SH3BGRL: variants seen among roughly 807,000 people sequenced by gnomAD.
SH3BGRL encodes adapter SH3BGRL.
A neutral mutation model predicts 9.8 loss-of-function variants in SH3BGRL; 7 were observed. The ratio of observed to expected loss-of-function variants is 0.72; its 90% CI spans 0.41 to 1.35. The LOEUF (loss-of-function observed/expected upper bound fraction) is 1.35, where lower values mean the gene tolerates loss of function less well. Among genes scored for constraint, SH3BGRL ranks in the 40% most tolerant of loss-of-function variants. The probability of loss-of-function intolerance (pLI) is 0.01; values close to 1 mark genes in which losing one functional copy is unlikely to be tolerated. For synonymous variants in SH3BGRL, 36 were observed against 29.1 expected, an observed-to-expected ratio of 1.24 and a Z score of -0.76; for missense variants, 73 against 84.4, an observed-to-expected ratio of 0.86 and a Z score of 0.53.
intron 1 of SH3BGRL, among the ~76,000 whole-genome samples, chrX:81,272,502 C>CTTTTT: frequency 1.0e-5 from 1 of 95,671 alleles, no homozygotes; most frequent in Non-Finnish European, 2.1e-5. Context: ...TTTTTCTTTT[C>CTTTTT]TTTTTTTTTT....
intron 3 of SH3BGRL, among the ~76,000 whole-genome samples, chrX:81,291,363 T>G (rs1235767975): frequency 9.0e-6 from 1 of 111,403 alleles, no homozygotes; most frequent in Non-Finnish European, 1.9e-5. Flanking sequence ...CTACACTTGT[T>G]GGCAGGAGGC....
At chrX:81,277,974 T>C (rs918392358) in intron 2 of SH3BGRL, among the ~76,000 whole-genome samples, 1 of 112,020 alleles carries the variant, frequency 8.9e-6, no homozygotes, top group Non-Finnish European at 1.9e-5. Context: ...ATCTCCTTTT[T>C]TTCTTGAGAT....
intron 1 of SH3BGRL, among the ~76,000 whole-genome samples, chrX:81,251,385 G>T (rs2075710106): frequency 9.2e-6 from 1 of 109,122 alleles, no homozygotes; most frequent in Admixed American, 9.8e-5. Flanking sequence ...CAATTTTTAG[G>T]ATGAAAAATT....
chrX:81,243,471 T>C lies in SH3BGRL; in HGVS notation c.46-33513T>C, dbSNP rs150545027. On this transcript the variant is annotated intron_variant, in intron 1 of 3. Transcript: ENST00000373212. ...GAAAGAATGAATAAGACCTACTATT[T>C]GATAGCACAACAGGGTGACTGTTGT... is the stretch of plus-strand genomic sequence containing the variant. 5.2e-3 allele frequency among the ~76,000 whole-genome samples: 586 copies of C among 111,850 alleles called. 3 individuals are homozygous for C. Among genetic ancestry groups the C allele is most frequent in the African/African-American group, 0.018 (548 of 30,775 alleles).
chrX:81,206,177 C>T (rs958408390), intron 1 of SH3BGRL, among the ~76,000 whole-genome samples: 1 of 110,896 alleles, frequency 9.0e-6, no homozygotes, highest in Non-Finnish European at 1.9e-5. Flanking sequence ...TCTCCTTACT[C>T]TATTGATTGT....
intron 1 of SH3BGRL, among the ~76,000 whole-genome samples, chrX:81,208,644 C>T (rs2075554651): frequency 8.9e-6 from 1 of 112,081 alleles, no homozygotes; most frequent in Non-Finnish European, 1.9e-5. Flanking sequence ...ACTAGGAGGC[C>T]TTTTAAACCC....
chrX:81,254,746 G>A (rs2075720323), intron 1 of SH3BGRL, among the ~76,000 whole-genome samples: 1 of 111,817 alleles, frequency 8.9e-6, no homozygotes, highest in Non-Finnish European at 1.9e-5. Flanking sequence ...CAGTATTTTT[G>A]TGTGTGAAAG....
chrX:81,263,672 C>A (rs911232669), intron 1 of SH3BGRL, among the ~76,000 whole-genome samples: 5 of 111,372 alleles, frequency 4.5e-5, no homozygotes, highest in African/African-American at 1.3e-4. Context: ...GTTACTGACT[C>A]AAAGCTTGTT....
At chrX:81,210,212 A>T (rs1037816151) in intron 1 of SH3BGRL, among the ~76,000 whole-genome samples, 2 of 111,008 alleles carry the variant, frequency 1.8e-5, no homozygotes, top group African/African-American at 6.6e-5. Context: ...CTTAGGTAAC[A>T]TTTACTACAT....
intron 1 of SH3BGRL, among the ~76,000 whole-genome samples, chrX:81,231,978 A>T (rs1196478415): frequency 1.8e-5 from 2 of 111,204 alleles, no homozygotes; most frequent in Non-Finnish European, 3.8e-5. Flanking sequence ...ATACACACAC[A>T]CGTATATGTA....
chrX:81,277,235 C>A (rs1438042899), intron 2 of SH3BGRL, 66 bp downstream of exon 2: 2 of 934,132 alleles, frequency 2.1e-6, no homozygotes, highest in Non-Finnish European at 3.0e-6. Flanking sequence ...ATTATTTTCA[C>A]CTCTGCCTCC....
intron 1 of SH3BGRL, among the ~76,000 whole-genome samples, chrX:81,268,494 A>G (rs1159075582): frequency 9.0e-6 from 1 of 111,424 alleles, no homozygotes; most frequent in Non-Finnish European, 1.9e-5. Context: ...GTCATTCAGG[A>G]GTAGGTTGTT....
chrX:81,263,416 T>C (rs1463399837), intron 1 of SH3BGRL, among the ~76,000 whole-genome samples: 1 of 111,929 alleles, frequency 8.9e-6, no homozygotes, highest in Non-Finnish European at 1.9e-5. Flanking sequence ...AATTTATGTC[T>C]GTCATATATT....
intron 1 of SH3BGRL, among the ~76,000 whole-genome samples, chrX:81,274,785 T>G (rs960682245): frequency 3.6e-5 from 4 of 111,084 alleles, no homozygotes; most frequent in Admixed American, 1.9e-4. Flanking sequence ...AATTTTGGAC[T>G]TGAAAATTTG....
chrX:81,228,940 G>A (rs1050868100), intron 1 of SH3BGRL, among the ~76,000 whole-genome samples: 3 of 111,572 alleles, frequency 2.7e-5, no homozygotes, highest in Non-Finnish European at 3.8e-5. Flanking sequence ...TTCAAAATTC[G>A]ATATTACTGA....
intron 1 of SH3BGRL, among the ~76,000 whole-genome samples, chrX:81,209,721 CTCAT>C (rs1382719654): frequency 8.9e-6 from 1 of 112,174 alleles, no homozygotes; most frequent in Admixed American, 9.4e-5. Context: ...CAAATGTGTT[CTCAT>C]TCATAACCCG....
chrX:81,211,661 C>T (rs1171924086), intron 1 of SH3BGRL, among the ~76,000 whole-genome samples: 1 of 111,244 alleles, frequency 9.0e-6, no homozygotes, highest in Non-Finnish European at 1.9e-5. Flanking sequence ...AATCAGCTTC[C>T]AGCAAATATA....
intron 1 of SH3BGRL, among the ~76,000 whole-genome samples, chrX:81,212,174 CA>C (rs1476940744): frequency 2.0e-4 from 22 of 110,164 alleles, no homozygotes; most frequent in African/African-American, 7.3e-4. Flanking sequence ...GGGGGACGAT[CA>C]TTTGAGGCTA....
intron 1 of SH3BGRL, among the ~76,000 whole-genome samples, chrX:81,220,806 G>T (rs1201986308): frequency 9.1e-6 from 1 of 109,481 alleles, no homozygotes; most frequent in Non-Finnish European, 1.9e-5. Context: ...ATAGGTTTTG[G>T]TATATCATAT....
Sources: allele counts gnomAD v4.1 joint callset (sites outside exome capture counted in the v4.1 genomes callset), GRCh38; gene constraint gnomAD v4.1.1; transcripts MANE v1.5; gene names NCBI Gene and HGNC (gene_info 2026-07-23, HGNC 2026-07-21).